Variants in GABRG2 observed in about 807,000 individuals in gnomAD.
GABRG2 encodes gamma-aminobutyric acid receptor subunit gamma-2.
GABRG2 carries 16 observed loss-of-function variants against 56.4 expected under a neutral mutation model. That is an observed-to-expected ratio of 0.28 (90% CI 0.19 to 0.43). The LOEUF is 0.43. Ranked by LOEUF, GABRG2 falls within the 20% of genes least tolerant of loss-of-function variation. The probability of loss-of-function intolerance (pLI) is 1.00; values close to 1 mark genes in which losing one functional copy is unlikely to be tolerated. For synonymous variants in GABRG2, 208 were observed against 205.5 expected, an observed-to-expected ratio of 1.01 and a Z score of -0.10; for missense variants, 327 against 582.7, an observed-to-expected ratio of 0.56 and a Z score of 4.52.
chr5:162,076,798 G>A lies in GABRG2; in HGVS notation c.107+8692G>A, dbSNP rs566549230. Among the ~76,000 whole-genome samples, 3 of 152,048 alleles carry A rather than the reference G, an allele frequency of 2.0e-5. No individual in the cohort carries two copies. In the South Asian group the frequency reaches 6.2e-4, roughly 32 times the overall value. ...TCTAAGCTGGTATTTTGCTATTCAG[G>A]GTCATGACTAACTTTTCATTTTTCT... On this transcript the variant is annotated intron_variant, in intron 1 of 9. Coordinates refer to ENST00000639213, the MANE Select transcript of GABRG2 (RefSeq NM_198904.4).
At chr5:162,094,026 C>T (rs1760814751) in intron 2 of GABRG2, 47 bp downstream of exon 2, 1 of 1,585,494 alleles carries the variant, frequency 6.3e-7, no homozygotes, top group African/African-American at 1.3e-5. Flanking sequence ...AGCACATAAA[C>T]ATGTCTACTT....
chr5:162,147,342 C>T (rs190518231), intron 7 of GABRG2, among the ~76,000 whole-genome samples: 16 of 150,584 alleles, frequency 1.1e-4, no homozygotes, highest in Admixed American at 6.0e-4. Flanking sequence ...TTCCCTCCTT[C>T]CTTCCTCTGT....
rs1266683191 is a variant in GABRG2 at position 162,095,481 on chromosome 5, G to A, written c.260-14G>A. The A allele has an allele frequency of 1.3e-6, 2 of 1,564,020 alleles. No homozygotes were observed. The highest frequency in any genetic ancestry group is 1.4e-5 in the African/African-American group (1 of 73,904). On this transcript the variant is annotated splice_polypyrimidine_tract_variant and intron_variant, in intron 2 of 9. Transcript: ENST00000639213. ...CCTCTCTATGTGCACACATTTCTAT[G>A]TTTCTCTTTACAGTGAAGCCAACGT...
chr5:162,145,095 A>G (rs1354450162), intron 7 of GABRG2, among the ~76,000 whole-genome samples: 1 of 152,222 alleles, frequency 6.6e-6, no homozygotes, highest in Non-Finnish European at 1.5e-5. Flanking sequence ...CCTTAAGCAC[A>G]CGCAGACCTT....
Position 162,115,818 on chromosome 5 carries a change from A to C in GABRG2, c.769+11792A>C, listed in dbSNP as rs539799924. Among the ~76,000 whole-genome samples, 13 of 152,276 alleles carry C rather than the reference A, an allele frequency of 8.5e-5. 1 individual carries two copies. The highest frequency in any genetic ancestry group is 1.5e-4 in the Non-Finnish European group (10 of 68,016). Reference sequence around the variant, plus strand: ...GTCCTGTGAGTCGGCAGTCAAAATAATAATGACACCACTACCTCTAAAATA... The same window carrying C: ...GTCCTGTGAGTCGGCAGTCAAAATACTAATGACACCACTACCTCTAAAATA... On this transcript the variant is annotated intron_variant, in intron 6 of 9. Coordinates refer to ENST00000639213, the MANE Select transcript of GABRG2 (RefSeq NM_198904.4).
chr5:162,100,837 A>G (rs537889520), intron 4 of GABRG2, among the ~76,000 whole-genome samples: 2 of 152,164 alleles, frequency 1.3e-5, no homozygotes, highest in Non-Finnish European at 2.9e-5. Flanking sequence ...AGCAGTTAAG[A>G]TCTTAGAATT....
chr5:162,148,394 T>A (rs1765114937), intron 7 of GABRG2, among the ~76,000 whole-genome samples: 1 of 152,074 alleles, frequency 6.6e-6, no homozygotes, highest in Admixed American at 6.5e-5. Flanking sequence ...AAATATTACC[T>A]ATTATGTTAC....
At chr5:162,103,495 G>A (rs917308394) in intron 5 of GABRG2, 5 of 191,824 alleles carry the variant, frequency 2.6e-5, no homozygotes, top group Non-Finnish European at 5.5e-5. Context: ...GTTTCTATGT[G>A]ACTCAAAATC....
intron 1 of GABRG2, among the ~76,000 whole-genome samples, chr5:162,083,029 T>C (rs1439643282): frequency 6.6e-6 from 1 of 151,526 alleles, no homozygotes; most frequent in Non-Finnish European, 1.5e-5. Context: ...AACAGAAAAG[T>C]ATAAAAAAAG....
intron 6 of GABRG2, among the ~76,000 whole-genome samples, chr5:162,106,266 A>G (rs1460564885): frequency 6.6e-6 from 1 of 152,224 alleles, no homozygotes; most frequent in Admixed American, 6.5e-5. Flanking sequence ...GAGTACCATC[A>G]TGTAACTGAT....
At chr5:162,128,515 A>C (rs1436004347) in intron 6 of GABRG2, 1 of 151,958 alleles carries the variant, frequency 6.6e-6, no homozygotes, top group Non-Finnish European at 1.5e-5. Flanking sequence ...TAGGAGGGAA[A>C]CATGAGCATT....
chr5:162,151,681 T>G, intron 8 of GABRG2, 49 bp from the exon 9 acceptor site: 1 of 1,520,030 alleles, frequency 6.6e-7, no homozygotes, highest in Non-Finnish European at 9.0e-7. Context: ...TTTTTTCTCC[T>G]TTTTATTAAA....
At chr5:162,137,063 C>A (rs1764187188) in intron 6 of GABRG2, among the ~76,000 whole-genome samples, 1 of 152,064 alleles carries the variant, frequency 6.6e-6, no homozygotes, top group African/African-American at 2.4e-5. Context: ...AATGCAGAAA[C>A]TGCTTGAGAG....
intron 6 of GABRG2, among the ~76,000 whole-genome samples, chr5:162,111,000 G>C (rs190335907): frequency 6.6e-6 from 1 of 152,044 alleles, no homozygotes; most frequent in South Asian, 2.1e-4. Flanking sequence ...TCTATAAAAG[G>C]AGTACATTTG....
chr5:162,113,915 G>C (rs1436666591), intron 6 of GABRG2, among the ~76,000 whole-genome samples: 5 of 152,062 alleles, frequency 3.3e-5, no homozygotes, highest in Middle Eastern at 3.2e-3. Context: ...TAAAATTTTA[G>C]GGCTAAATCT....
chr5:162,084,496 G>A (rs984912108), intron 1 of GABRG2, among the ~76,000 whole-genome samples: 11 of 151,672 alleles, frequency 7.3e-5, no homozygotes, highest in African/African-American at 1.2e-4. Context: ...TCTTAATTAC[G>A]GCTGCACCTT....
intron 6 of GABRG2, among the ~76,000 whole-genome samples, chr5:162,114,177 A>T (rs1762447571): frequency 6.6e-6 from 1 of 152,178 alleles, no homozygotes; most frequent in Admixed American, 6.5e-5. Flanking sequence ...ATAATTATGT[A>T]GAGCTGAATT....
chr5:162,137,278 C>T (rs2113570220), intron 6 of GABRG2, among the ~76,000 whole-genome samples: 1 of 152,186 alleles, frequency 6.6e-6, no homozygotes. Flanking sequence ...TAGTGTTTAT[C>T]CAAGAAATTT....
chr5:162,082,017 C>T (rs957703494), intron 1 of GABRG2, among the ~76,000 whole-genome samples: 1 of 151,868 alleles, frequency 6.6e-6, no homozygotes, highest in Non-Finnish European at 1.5e-5. Context: ...AAAAAATGAT[C>T]ACATTCAGTT....
Sources: gnomAD v4.1 joint callset for allele counts (sites outside exome capture counted in the v4.1 genomes callset) on GRCh38, gnomAD v4.1.1 for gene constraint, MANE v1.5 for transcripts, NCBI Gene and HGNC (gene_info 2026-07-23, HGNC 2026-07-21) for gene names.